ITFG1: variants seen among roughly 807,000 people sequenced by gnomAD.
ITFG1 encodes T-cell immunomodulatory protein.
In ITFG1, 34 loss-of-function variants were observed where a neutral mutation model predicts 81.8. The ratio of observed to expected loss-of-function variants is 0.42; its 90% CI spans 0.32 to 0.55. The LOEUF is 0.55. ITFG1 is among the 20% of genes least tolerant of loss of function. The pLI is 0.17. For missense variants in ITFG1, 672 were observed against 755.4 expected, an observed-to-expected ratio of 0.89 and a Z score of 1.29; for synonymous variants, 285 against 270.6, an observed-to-expected ratio of 1.05 and a Z score of -0.52.
chr16:47,214,945 C>T (rs557465187), intron 14 of ITFG1, among the ~76,000 whole-genome samples: 96 of 152,070 alleles, frequency 6.3e-4, no homozygotes, highest in Non-Finnish European at 1.2e-3. Flanking sequence ...CACACACACA[C>T]ACACACACAC....
chr16:47,213,052 C>T (rs1160712734), intron 14 of ITFG1, among the ~76,000 whole-genome samples: 1 of 152,172 alleles, frequency 6.6e-6, no homozygotes, highest in Non-Finnish European at 1.5e-5. Flanking sequence ...TAATTTTCCT[C>T]TCAGCACTGC....
At position 47,350,821 on chromosome 16, in the gene ITFG1, T is replaced by C. The variant is rs186478462; in HGVS notation, c.802+14967A>G. ...ATCGATGCAAAAATCCTCAATAAAA[T>C]ACTGACAAACCGAATCCAGCAGTAC... On this transcript the variant is annotated intron_variant, in intron 8 of 17. Transcript: ENST00000320640. Among the ~76,000 whole-genome samples the C allele has an allele frequency of 5.9e-4, 90 of 152,188 alleles. 2 individuals carry two copies. Among genetic ancestry groups the C allele is most frequent in the Admixed American group, 5.0e-3 (77 of 15,278 alleles).
chr16:47,243,235 T>C (rs1322829585), intron 12 of ITFG1, among the ~76,000 whole-genome samples: 1 of 152,128 alleles, frequency 6.6e-6, no homozygotes. Context: ...TATACATATA[T>C]ATACATATAT....
At chr16:47,283,149 G>A (rs1444837438) in intron 10 of ITFG1, among the ~76,000 whole-genome samples, 2 of 152,036 alleles carry the variant, frequency 1.3e-5, no homozygotes, top group Non-Finnish European at 2.9e-5. Context: ...TATTCATAAA[G>A]TCTCCCTAGG....
At chr16:47,406,493 T>C (rs2151601078) in intron 6 of ITFG1, among the ~76,000 whole-genome samples, 1 of 152,324 alleles carries the variant, frequency 6.6e-6, no homozygotes, top group Admixed American at 6.5e-5. Flanking sequence ...AGGGACAGTT[T>C]GAGTACTTAA....
chr16:47,336,835 T>C (rs919821381), intron 8 of ITFG1, among the ~76,000 whole-genome samples: 8 of 151,890 alleles, frequency 5.3e-5, no homozygotes, highest in African/African-American at 1.9e-4. Context: ...TGGTGACACA[T>C]GCCTGTAATC....
intron 8 of ITFG1, among the ~76,000 whole-genome samples, chr16:47,322,445 T>C (rs369445479): frequency 2.6e-5 from 4 of 152,184 alleles, no homozygotes; most frequent in African/African-American, 7.2e-5. Flanking sequence ...TCCCAGCCCT[T>C]TGGGACACCG....
chr16:47,182,002 T>C (rs1965130861), intron 14 of ITFG1, among the ~76,000 whole-genome samples: 1 of 151,994 alleles, frequency 6.6e-6, no homozygotes, highest in African/African-American at 2.4e-5. Flanking sequence ...TTAAGAGTCA[T>C]CACCACTCCC....
chr16:47,189,855 G>GC lies in ITFG1; in HGVS notation c.1454-27192dup, dbSNP rs570076016. 2.0e-4 allele frequency among the ~76,000 whole-genome samples: 30 copies of GC among 152,314 alleles called. No homozygotes were observed. The East Asian group carries it at 5.6e-3, about 28-fold the overall frequency. On this transcript the variant is annotated intron_variant, in intron 14 of 17. Coordinates refer to ENST00000320640, the MANE Select transcript of ITFG1 (RefSeq NM_030790.5). Reference sequence around the variant, plus strand: ...GGAATGGTAAAAAGCCATTGCAAATGCATGTGAAAAATAATGCAAAGGGAT... The same window carrying GC: ...GGAATGGTAAAAAGCCATTGCAAATGCCATGTGAAAAATAATGCAAAGGGAT...
intron 10 of ITFG1, chr16:47,299,546 T>C (rs1021407473): frequency 3.9e-5 from 6 of 152,110 alleles, no homozygotes; most frequent in East Asian, 1.9e-4. Flanking sequence ...CTGATGGGGG[T>C]TGGAGGACAG....
chr16:47,195,179 C>T (rs1965342854), intron 14 of ITFG1, among the ~76,000 whole-genome samples: 1 of 152,098 alleles, frequency 6.6e-6, no homozygotes, highest in Non-Finnish European at 1.5e-5. Context: ...TTAACCTCAT[C>T]TCTTCTTTAG....
chr16:47,375,887 A>C lies in ITFG1; in HGVS notation c.709T>G (p.Trp237Gly). ...ATTSTFQFEI[W>G]ENLDGNFSVS... The stretch of plus-strand genomic sequence containing the variant: ...AAAAGATTTCTTACCAAATTTTCCC[A>C]TATTTCAAACTGGAAGGTACTAGTG... Residue 237 changes from tryptophan (W) to glycine (G), a missense_variant, in exon 7 of 18, where the codon TGG becomes GGG. This residue lies in a region of ITFG1 where 560 missense variants were observed against 625.7 expected (regional missense o/e 0.90). Coordinates refer to ENST00000320640, the MANE Select transcript of ITFG1 (RefSeq NM_030790.5). 6.3e-7 allele frequency: 1 copy of C among 1,596,450 alleles called. No individual in the cohort carries two copies. Among genetic ancestry groups the C allele is most frequent in the South Asian group, 1.1e-5 (1 of 90,618 alleles).
At position 47,460,994 on chromosome 16, in the gene ITFG1, G is replaced by A. The variant is rs2151622496; in HGVS notation, c.52C>T (p.Leu18Phe). ...PSSWALFSPLLAGLALLGVGP... is the reference protein window; with the variant it reads ...PSSWALFSPLFAGLALLGVGP... Reference sequence around the variant, plus strand: ...ACTCCCAGTAGTGCAAGCCCTGCGAGGAGCGGCGAGAAGAGGGCCCAGGAG... The same window carrying A: ...ACTCCCAGTAGTGCAAGCCCTGCGAAGAGCGGCGAGAAGAGGGCCCAGGAG... The change falls in exon 1 of 18, where the codon CTC (leucine) becomes TTC (phenylalanine). Residue 18 changes from leucine (L) to phenylalanine (F), a missense_variant. Physicochemically the swap from Leu to Phe is conservative, Grantham distance 22. This residue lies in a region of ITFG1 where 47 missense variants were observed against 26.4 expected (regional missense o/e 1.78). Coordinates refer to ENST00000320640, the MANE Select transcript of ITFG1 (RefSeq NM_030790.5). The A allele has an allele frequency of 5.7e-6, 9 of 1,573,888 alleles. No homozygotes were observed. Among genetic ancestry groups the A allele is most frequent in the African/African-American group, 1.3e-5 (1 of 74,172 alleles).
At position 47,311,148 on chromosome 16, in the gene ITFG1, T is replaced by C. The variant is rs947663779; in HGVS notation, c.1070+92A>G. The C allele has an allele frequency of 6.0e-5, 48 of 799,602 alleles. 1 individual carries two copies. Among genetic ancestry groups the C allele is most frequent in the Middle Eastern group, 3.1e-4 (1 of 3,230 alleles). 49.5% of individuals were successfully genotyped at this position (799,602 alleles called of 1,614,324 possible). On this transcript the variant is annotated intron_variant, in intron 10 of 17. Transcript: ENST00000320640. ...GTTCCTTATTTAAGAGATTATAACA[T>C]ATTTAGGTACTATTCAGTTGCAAAG...
At chr16:47,221,297 T>C (rs1052802369) in intron 13 of ITFG1, among the ~76,000 whole-genome samples, 7 of 152,104 alleles carry the variant, frequency 4.6e-5, no homozygotes, top group Non-Finnish European at 1.0e-4. Context: ...GCATGAAGGG[T>C]TGTTGAATTT....
At chr16:47,437,299 C>T (rs1969179041) in intron 5 of ITFG1, among the ~76,000 whole-genome samples, 2 of 151,862 alleles carry the variant, frequency 1.3e-5, no homozygotes, top group Admixed American at 6.6e-5. Context: ...GATCCTATCT[C>T]CAACAACAAT....
intron 14 of ITFG1, among the ~76,000 whole-genome samples, chr16:47,174,072 CA>C (rs941363212): frequency 8.6e-5 from 13 of 151,868 alleles, no homozygotes; most frequent in Admixed American, 7.2e-4. Flanking sequence ...CAAAAACAAA[CA>C]AAAAAAGTTT....
intron 14 of ITFG1, among the ~76,000 whole-genome samples, chr16:47,194,499 T>C (rs760708033): frequency 1.2e-4 from 18 of 152,306 alleles, no homozygotes; most frequent in African/African-American, 3.4e-4. Flanking sequence ...CCTAAGTTTA[T>C]AGAAGAAAGG....
chr16:47,461,184 C>T, upstream of ITFG1: 2 of 988,678 alleles, frequency 2.0e-6, no homozygotes, highest in Non-Finnish European at 2.9e-6. Context: ...CTCTCTCCCA[C>T]TAGGGCTGCC....
Sources: allele counts gnomAD v4.1 joint callset (sites outside exome capture counted in the v4.1 genomes callset), GRCh38; gene constraint gnomAD v4.1.1; regional missense constraint gnomAD v4.1.1; transcripts MANE v1.5; gene names NCBI Gene and HGNC (gene_info 2026-07-23, HGNC 2026-07-21).